Variants in USH2A observed in about 807,000 individuals in gnomAD.
USH2A encodes Usher syndrome 2A (autosomal recessive, mild).
In USH2A, 443 loss-of-function variants were observed where a neutral mutation model predicts 538.9. The observed-to-expected ratio is 0.82, with a 90% CI of 0.76 to 0.89. The LOEUF (loss-of-function observed/expected upper bound fraction) is 0.89, where lower values mean the gene tolerates loss of function less well. USH2A is among the 40% of genes least tolerant of loss of function. USH2A has a pLI of 0.00. For synonymous variants in USH2A, 2,413 were observed against 2,273.5 expected, an observed-to-expected ratio of 1.06 and a Z score of -1.75; for missense variants, 6,633 against 6,324.8, an observed-to-expected ratio of 1.05 and a Z score of -1.65.
chr1:215,885,375 T>C (rs1665024687), intron 41 of USH2A, among the ~76,000 whole-genome samples: 1 of 152,186 alleles, frequency 6.6e-6, no homozygotes, highest in Admixed American at 6.5e-5. Context: ...TTAATTCAAT[T>C]TGGTAATCTT....
chr1:215,970,828 AG>A, intron 35 of USH2A, 52 bp from the exon 36 acceptor site: 1 of 1,579,218 alleles, frequency 6.3e-7, no homozygotes, highest in Non-Finnish European at 8.7e-7. Context: ...ATAGCAAAGA[AG>A]GTCTTAAGAA....
chr1:216,044,220 A>T (rs2030419110), intron 32 of USH2A, among the ~76,000 whole-genome samples: 3 of 152,156 alleles, frequency 2.0e-5, no homozygotes, highest in Admixed American at 6.5e-5. Context: ...CATACGGGGC[A>T]TACCTGTGTC....
At chr1:216,200,152 T>C in intron 16 of USH2A, 31 bp from the exon 17 acceptor site, 1 of 1,590,730 alleles carries the variant, frequency 6.3e-7, no homozygotes, top group Non-Finnish European at 8.6e-7. Context: ...AAAAACAAAG[T>C]TACATTTCAC....
At chr1:215,858,319 C>T (rs1351789882) in intron 44 of USH2A, among the ~76,000 whole-genome samples, 2 of 151,812 alleles carry the variant, frequency 1.3e-5, no homozygotes, top group African/African-American at 2.4e-5. Context: ...ACCCAAATCT[C>T]ATCTTAAATT....
At chr1:216,109,838 G>A (rs1193136615) in intron 21 of USH2A, among the ~76,000 whole-genome samples, 1 of 152,160 alleles carries the variant, frequency 6.6e-6, no homozygotes, top group African/African-American at 2.4e-5. Context: ...AGTGATAGCA[G>A]TGATAAATTC....
chr1:216,153,961 G>A (rs1357615547), intron 21 of USH2A, among the ~76,000 whole-genome samples: 1 of 152,102 alleles, frequency 6.6e-6, no homozygotes, highest in Non-Finnish European at 1.5e-5. Flanking sequence ...GTATGCAGAA[G>A]AAATCTGTTT....
chr1:216,266,923 A>T (rs983317902), intron 11 of USH2A, among the ~76,000 whole-genome samples: 2 of 151,692 alleles, frequency 1.3e-5, no homozygotes, highest in East Asian at 3.9e-4. Flanking sequence ...AAGATAATTA[A>T]ATTCAAATAA....
intron 21 of USH2A, among the ~76,000 whole-genome samples, chr1:216,137,259 C>A (rs141707222): frequency 4.6e-5 from 7 of 151,986 alleles, no homozygotes. Flanking sequence ...TTTGTTTTCA[C>A]GCTGCTGATA....
intron 14 of USH2A, among the ~76,000 whole-genome samples, chr1:216,226,693 A>T (rs910042452): frequency 6.6e-6 from 1 of 152,184 alleles, no homozygotes; most frequent in Non-Finnish European, 1.5e-5. Context: ...CTGGTTGCTT[A>T]TTAACCTGTA....
intron 61 of USH2A, among the ~76,000 whole-genome samples, chr1:215,697,366 C>T (rs1019199074): frequency 2.6e-5 from 4 of 152,100 alleles, no homozygotes; most frequent in Admixed American, 6.5e-5. Context: ...GAGCTGAGTG[C>T]CACCTGTAGC....
intron 30 of USH2A, among the ~76,000 whole-genome samples, chr1:216,057,611 C>T (rs970858060): frequency 2.0e-5 from 3 of 152,050 alleles, no homozygotes; most frequent in Non-Finnish European, 2.9e-5. Flanking sequence ...TGCTTGAACC[C>T]GGGCGGCGCA....
At position 215,782,155 on chromosome 1, in the gene USH2A, GT is replaced by G. The variant is rs1558095403; in HGVS notation, c.10626del (p.Glu3542AspfsTer8). 6.2e-7 allele frequency: 1 copy of G among 1,613,900 alleles called. No individual in the cohort carries two copies. Among genetic ancestry groups the G allele is most frequent in the Non-Finnish European group, 8.5e-7 (1 of 1,179,866 alleles). On this transcript the variant is annotated frameshift_variant, in exon 54 of 72. Transcript: ENST00000307340. LOFTEE classifies it high-confidence loss of function. ...IYYILLRNGI[E>X]RFRGTSLSFS... ...AAGCTCAGTGATGTTCCCCGAAAAC[GT>G]TCAATTCCATTTCGAAGAAGGATGT...
chr1:216,221,133 C>G (rs2035451293), intron 14 of USH2A, among the ~76,000 whole-genome samples: 1 of 152,154 alleles, frequency 6.6e-6, no homozygotes, highest in Non-Finnish European at 1.5e-5. Context: ...AAGCTTTAGA[C>G]TTAGGATAGG....
At chr1:216,229,153 G>A (rs563623965) in intron 14 of USH2A, among the ~76,000 whole-genome samples, 6 of 151,574 alleles carry the variant, frequency 4.0e-5, no homozygotes, top group South Asian at 2.1e-4. Context: ...CAGCCTAGGC[G>A]ACAGAGTGTG....
chr1:215,816,700 T>G (rs1473575921), intron 48 of USH2A, among the ~76,000 whole-genome samples: 1 of 152,110 alleles, frequency 6.6e-6, no homozygotes, highest in Non-Finnish European at 1.5e-5. Context: ...AACACCTATT[T>G]GTAGCTGAAA....
At position 216,081,627 on chromosome 1, in the gene USH2A, T is replaced by C. The variant is rs139297426; in HGVS notation, c.5298+1829A>G. Among the ~76,000 whole-genome samples the C allele has an allele frequency of 7.2e-5, 11 of 152,274 alleles. No homozygotes were observed. The East Asian group carries it at 1.9e-3, about 27-fold the overall frequency. On this transcript the variant is annotated intron_variant, in intron 26 of 71. Transcript: ENST00000307340. ...TTTTGTTTGTTTTGAGACAGAGCTC[T>C]CTTGCCCAGGCTGGAGTGCAGAGGT...
intron 21 of USH2A, among the ~76,000 whole-genome samples, chr1:216,117,064 C>T (rs2033024891): frequency 6.6e-6 from 1 of 152,106 alleles, no homozygotes. Context: ...TTTTATTTTG[C>T]TTGTCAGGAG....
intron 11 of USH2A, among the ~76,000 whole-genome samples, chr1:216,261,118 A>T (rs965836190): frequency 6.6e-6 from 1 of 152,186 alleles, no homozygotes; most frequent in Non-Finnish European, 1.5e-5. Context: ...AACAAAAATA[A>T]AGGAGGAGGA....
chr1:216,309,274 T>C (rs953630218), intron 9 of USH2A, among the ~76,000 whole-genome samples: 4 of 152,202 alleles, frequency 2.6e-5, no homozygotes, highest in African/African-American at 9.6e-5. Context: ...TCTAAATCAT[T>C]TGACTTTTTG....
Sources: allele counts gnomAD v4.1 joint callset (sites outside exome capture counted in the v4.1 genomes callset), GRCh38; gene constraint gnomAD v4.1.1; transcripts MANE v1.5; gene names NCBI Gene and HGNC (gene_info 2026-07-23, HGNC 2026-07-21).